Variants in SNX27 observed in about 807,000 individuals in gnomAD.
SNX27 encodes the protein sorting nexin-27.
In SNX27, 22 loss-of-function variants were observed where a neutral mutation model predicts 71.6. The observed-to-expected ratio is 0.31, with a 90% CI of 0.22 to 0.44. The LOEUF is 0.44. SNX27 is among the 20% of genes least tolerant of loss of function. The pLI is 1.00. For synonymous variants in SNX27, 269 were observed against 277.2 expected, an observed-to-expected ratio of 0.97 and a Z score of 0.29; for missense variants, 531 against 698.6, an observed-to-expected ratio of 0.76 and a Z score of 2.70.
rs191275343 is a variant in SNX27, at chr1:151,637,189, G to C, written c.312-1699G>C. On this transcript the variant is annotated intron_variant, in intron 1 of 11. Coordinates refer to ENST00000458013, the MANE Select transcript of SNX27 (RefSeq NM_001330723.2). ...TTTTTTGTTTTTTTTTTTTGAGACA[G>C]AGTCTTGCTCTGTCCGCCAGGCTGG... Among the ~76,000 whole-genome samples, 614 of 134,596 alleles carry C rather than the reference G, an allele frequency of 4.6e-3. 5 individuals are homozygous for C. Among genetic ancestry groups the C allele is most frequent in the Non-Finnish European group, 7.7e-3 (493 of 64,432 alleles). The allele number at this position is 134,596 out of a possible 152,430, so 88.3% of individuals were successfully genotyped here. A position where few individuals can be genotyped will look rare whatever the true frequency, so the allele number is the denominator to read the frequency against.
At chr1:151,672,942 C>CT (rs1365546031) in intron 7 of SNX27, among the ~76,000 whole-genome samples, 1 of 150,432 alleles carries the variant, frequency 6.6e-6, no homozygotes, top group Non-Finnish European at 1.5e-5. Flanking sequence ...TTTCATTGCT[C>CT]TTTTTTTGTA....
chr1:151,655,896 A>G (rs544243814), intron 2 of SNX27, among the ~76,000 whole-genome samples: 1 of 152,332 alleles, frequency 6.6e-6, no homozygotes, highest in South Asian at 2.1e-4. Context: ...AATAAGTTCC[A>G]GATGGATTAA....
Position 151,693,240 on chromosome 1 carries a change from G to A in SNX27, c.1519-184G>A, listed in dbSNP as rs1225463423. 27 of 910,850 alleles carry A rather than the reference G, an allele frequency of 3.0e-5. No homozygotes were observed. In the East Asian group the frequency reaches 3.4e-4, roughly 11 times the overall value. 56.4% of individuals were successfully genotyped at this position (910,850 alleles called of 1,614,324 possible). A position where few individuals can be genotyped will look rare whatever the true frequency, so the allele number is the denominator to read the frequency against. On this transcript the variant is annotated intron_variant, in intron 10 of 11. Coordinates refer to ENST00000458013, the MANE Select transcript of SNX27 (RefSeq NM_001330723.2). ...GGCAATTTCCTATCCCACTTGGCTCGTAGTTACCACTAGAAGGAGCTAGAG... is the reference window on the plus strand; with the variant it reads ...GGCAATTTCCTATCCCACTTGGCTCATAGTTACCACTAGAAGGAGCTAGAG...
chr1:151,662,299 A>C, intron 5 of SNX27, 29 bp downstream of exon 5: 1 of 1,448,646 alleles, frequency 6.9e-7, no homozygotes, highest in Non-Finnish European at 9.7e-7. Context: ...TAGACTTGAC[A>C]TTGGATGGTG....
intron 1 of SNX27, among the ~76,000 whole-genome samples, chr1:151,623,342 T>A (rs554642347): frequency 6.6e-6 from 1 of 151,996 alleles, no homozygotes; most frequent in Non-Finnish European, 1.5e-5. Flanking sequence ...GGGTTTCACC[T>A]TGTTAGCCAG....
At chr1:151,662,307 G>A in intron 5 of SNX27, 37 bp downstream of exon 5, 1 of 1,391,398 alleles carries the variant, frequency 7.2e-7, no homozygotes, top group Non-Finnish European at 1.0e-6. Flanking sequence ...ACATTGGATG[G>A]TGTGAAGCTA....
At chr1:151,645,183 T>C (rs1668979027) in intron 2 of SNX27, among the ~76,000 whole-genome samples, 1 of 152,230 alleles carries the variant, frequency 6.6e-6, no homozygotes, top group Non-Finnish European at 1.5e-5. Context: ...TCTTTCCTCA[T>C]TGAAATATCT....
At chr1:151,649,999 T>C (rs1669250768) in intron 2 of SNX27, among the ~76,000 whole-genome samples, 1 of 152,180 alleles carries the variant, frequency 6.6e-6, no homozygotes, top group Non-Finnish European at 1.5e-5. Flanking sequence ...GCAATTCTCC[T>C]GCCTCAGCCT....
chr1:151,647,881 CTG>C (rs1669122004), intron 2 of SNX27, among the ~76,000 whole-genome samples: 1 of 151,118 alleles, frequency 6.6e-6, no homozygotes, highest in Non-Finnish European at 1.5e-5. Context: ...GAAAACAACT[CTG>C]TATACAGCAT....
intron 8 of SNX27, among the ~76,000 whole-genome samples, chr1:151,684,194 AG>A (rs1404926659): frequency 1.3e-5 from 2 of 152,206 alleles, no homozygotes; most frequent in African/African-American, 4.8e-5. Flanking sequence ...GCTCTTGGTT[AG>A]TATATCATCC....
intron 7 of SNX27, chr1:151,677,614 A>G (rs1486565194): frequency 6.6e-6 from 1 of 152,098 alleles, no homozygotes; most frequent in East Asian, 1.9e-4. Context: ...TATGTTGCCC[A>G]GGCTGGCCTT....
chr1:151,618,572 GT>G (rs1667533331), intron 1 of SNX27, among the ~76,000 whole-genome samples: 1 of 152,092 alleles, frequency 6.6e-6, no homozygotes, highest in South Asian at 2.1e-4. Flanking sequence ...CCACTGACCA[GT>G]TTTTTTCAGA....
At chr1:151,651,922 G>A (rs999768382) in intron 2 of SNX27, among the ~76,000 whole-genome samples, 1 of 152,050 alleles carries the variant, frequency 6.6e-6, no homozygotes. Flanking sequence ...ATTGAGCACT[G>A]AGTGAACGAG....
intron 5 of SNX27, among the ~76,000 whole-genome samples, chr1:151,665,666 A>G (rs1670157428): frequency 6.6e-6 from 1 of 152,226 alleles, no homozygotes; most frequent in South Asian, 2.1e-4. Context: ...ATCAGCTTAC[A>G]CTGGAAGGGA....
Position 151,692,968 on chromosome 1 carries a change from G to A in SNX27, c.1447G>A (p.Gly483Arg), listed in dbSNP as rs543145513. The A allele has an allele frequency of 1.9e-6, 3 of 1,614,078 alleles. No individual in the cohort carries two copies. The highest frequency in any genetic ancestry group is 2.7e-5 in the African/African-American group (2 of 74,920). ...GCAGCGATGGGACACAGATGAAGAA[G>A]GGATGGCCTTCTGTTTCGAATATGC... is the stretch of plus-strand genomic sequence containing the variant. ...EMQRWDTDEEGMAFCFEYARG... is the reference protein window; with the variant it reads ...EMQRWDTDEERMAFCFEYARG... The change falls in exon 10 of 12, where the codon GGG becomes AGG. Residue 483 changes from glycine to arginine, a missense_variant. Gly to Arg is a moderately radical substitution (Grantham distance 125). This residue lies in a region of SNX27 where 157 missense variants were observed against 178.4 expected (regional missense o/e 0.88). Transcript: ENST00000458013.
intron 2 of SNX27, among the ~76,000 whole-genome samples, chr1:151,654,346 T>C (rs934575662): frequency 6.6e-6 from 1 of 152,172 alleles, no homozygotes; most frequent in Non-Finnish European, 1.5e-5. Context: ...CTGATTCTTT[T>C]GCCCTTCCTT....
At chr1:151,652,663 G>A (rs1211789847) in intron 2 of SNX27, among the ~76,000 whole-genome samples, 4 of 151,862 alleles carry the variant, frequency 2.6e-5, no homozygotes, top group East Asian at 3.9e-4. Context: ...CACCCGCCTC[G>A]ACCTCCCAAA....
chr1:151,626,681 G>A (rs1212180363), intron 1 of SNX27, among the ~76,000 whole-genome samples: 3 of 151,396 alleles, frequency 2.0e-5, no homozygotes, highest in Non-Finnish European at 2.9e-5. Flanking sequence ...CAGCCTGGGC[G>A]ACAGAGCAAG....
intron 1 of SNX27, among the ~76,000 whole-genome samples, chr1:151,633,123 C>T (rs984009082): frequency 5.9e-5 from 9 of 152,232 alleles, no homozygotes; most frequent in South Asian, 2.1e-4. Context: ...CTGCCCTCCT[C>T]AGCCTCCCAA....
Sources: allele counts gnomAD v4.1 joint callset (sites outside exome capture counted in the v4.1 genomes callset), GRCh38; gene constraint gnomAD v4.1.1; regional missense constraint gnomAD v4.1.1; transcripts MANE v1.5; gene names NCBI Gene and HGNC (gene_info 2026-07-23, HGNC 2026-07-21).